The following BBOX1 variants were observed in gnomAD, a reference collection of about 807,000 sequenced individuals.
The protein encoded by BBOX1 is gamma-butyrobetaine dioxygenase.
Under a neutral mutation model 41.6 loss-of-function variants are expected in BBOX1, and 35 were observed. The ratio of observed to expected loss-of-function variants is 0.84; its 90% CI spans 0.64 to 1.11. The LOEUF (loss-of-function observed/expected upper bound fraction) is 1.11, where lower values mean the gene tolerates loss of function less well. Among genes scored for constraint, BBOX1 ranks in the 50% most tolerant of loss-of-function variants. The probability of loss-of-function intolerance (pLI) is 0.00; values close to 1 mark genes in which losing one functional copy is unlikely to be tolerated. For synonymous variants in BBOX1, 163 were observed against 154.7 expected (o/e 1.05, Z -0.40); for missense variants, 458 against 460.6 (o/e 0.99, Z 0.05).
intron 2 of BBOX1, among the ~76,000 whole-genome samples, chr11:27,048,874 T>C (rs1851576609): frequency 6.8e-6 from 1 of 147,802 alleles, no homozygotes; most frequent in Non-Finnish European, 1.5e-5. Context: ...ATTAGGTATA[T>C]CTCCCAATGC....
At chr11:27,107,449 T>C (rs1858911141) in intron 5 of BBOX1, among the ~76,000 whole-genome samples, 2 of 151,996 alleles carry the variant, frequency 1.3e-5, no homozygotes, top group Non-Finnish European at 2.9e-5. Context: ...ATTTGCAGAG[T>C]TTCAGACACT....
At chr11:27,050,464 A>G (rs1290557899) in intron 2 of BBOX1, among the ~76,000 whole-genome samples, 1 of 152,116 alleles carries the variant, frequency 6.6e-6, no homozygotes, top group Non-Finnish European at 1.5e-5. Context: ...TACCAATATT[A>G]ATCATTCAAA....
intron 4 of BBOX1, among the ~76,000 whole-genome samples, chr11:27,064,451 TG>T (rs1457888010): frequency 6.6e-6 from 1 of 152,190 alleles, no homozygotes; most frequent in African/African-American, 2.4e-5. Context: ...AGCATGTCTT[TG>T]TTCTGTTTTG....
chr11:27,057,064 TAA>T lies in BBOX1; in HGVS notation c.220-117_220-116del, dbSNP rs60041119. ...CTGGCAACAGAGGAAGACTCCGACT[TAA>T]AAAAAAAAAAAAAAAAAAATTAAGC... On this transcript the variant is annotated intron_variant, in intron 3 of 8. Coordinates refer to ENST00000263182, the MANE Select transcript of BBOX1 (RefSeq NM_003986.3). 3.0e-3 allele frequency: 456 copies of T among 151,006 alleles called. 19 individuals carry two copies. The highest frequency in any genetic ancestry group is 4.5e-3 in the Middle Eastern group (2 of 440). 9.4% of individuals were successfully genotyped at this position (151,006 alleles called of 1,614,324 possible). A position where few individuals can be genotyped will look rare whatever the true frequency, so the allele number is the denominator to read the frequency against.
intron 2 of BBOX1, among the ~76,000 whole-genome samples, chr11:27,041,979 T>A (rs1366544036): frequency 6.6e-6 from 1 of 152,162 alleles, no homozygotes; most frequent in Non-Finnish European, 1.5e-5. Context: ...CATGCCTCTT[T>A]AAAATGCTGG....
At chr11:27,053,098 C>T (rs61888307) in intron 2 of BBOX1, among the ~76,000 whole-genome samples, 4,304 of 152,042 alleles carry the variant, frequency 0.028, 95 homozygotes, top group Non-Finnish European at 0.042. Context: ...AAGGTGAAAC[C>T]GATATGCATT....
chr11:27,043,266 T>C (rs1015254746), intron 2 of BBOX1, among the ~76,000 whole-genome samples: 5 of 152,074 alleles, frequency 3.3e-5, no homozygotes, highest in Non-Finnish European at 7.4e-5. Flanking sequence ...GGTTTCACCG[T>C]GTTAGCCAAG....
intron 5 of BBOX1, among the ~76,000 whole-genome samples, chr11:27,111,660 C>A (rs1038755120): frequency 6.6e-6 from 1 of 151,704 alleles, no homozygotes; most frequent in Non-Finnish European, 1.5e-5. Flanking sequence ...CAAATACCAC[C>A]TTTATCTAGT....
chr11:27,061,288 C>A (rs559162733), intron 4 of BBOX1, among the ~76,000 whole-genome samples: 1 of 152,102 alleles, frequency 6.6e-6, no homozygotes, highest in Non-Finnish European at 1.5e-5. Flanking sequence ...TGATACTACA[C>A]TCAATTAAGT....
chr11:27,088,627 G>A (rs1858128042), intron 4 of BBOX1, among the ~76,000 whole-genome samples: 1 of 151,914 alleles, frequency 6.6e-6, no homozygotes, highest in African/African-American at 2.4e-5. Context: ...CTTTATGAGG[G>A]ACAGACTAAG....
At chr11:27,062,430 A>C (rs903006930) in intron 4 of BBOX1, among the ~76,000 whole-genome samples, 1 of 152,144 alleles carries the variant, frequency 6.6e-6, no homozygotes, top group Non-Finnish European at 1.5e-5. Flanking sequence ...AGATCTTTAT[A>C]AGTTTAAGAA....
At chr11:27,104,400 G>A (rs1858784843) in intron 5 of BBOX1, among the ~76,000 whole-genome samples, 4 of 152,044 alleles carry the variant, frequency 2.6e-5, no homozygotes, top group African/African-American at 9.7e-5. Context: ...CCTGGTTCAT[G>A]GGAATATCTT....
chr11:27,075,349 C>T (rs189021737), intron 4 of BBOX1, among the ~76,000 whole-genome samples: 4 of 152,072 alleles, frequency 2.6e-5, no homozygotes, highest in African/African-American at 7.2e-5. Context: ...TAGCAGAGGT[C>T]TCTTTAAGCT....
chr11:27,072,869 T>C (rs1184708521), intron 4 of BBOX1, among the ~76,000 whole-genome samples: 1 of 150,698 alleles, frequency 6.6e-6, no homozygotes, highest in Non-Finnish European at 1.5e-5. Flanking sequence ...GCTAGCCATA[T>C]GCTGAAACTG....
intron 2 of BBOX1, among the ~76,000 whole-genome samples, chr11:27,048,385 T>A (rs990768883): frequency 6.6e-6 from 1 of 152,084 alleles, no homozygotes; most frequent in African/African-American, 2.4e-5. Context: ...CTTATTTCAC[T>A]TAGCATAATG....
At chr11:27,062,642 T>A (rs1857163595) in intron 4 of BBOX1, among the ~76,000 whole-genome samples, 1 of 151,826 alleles carries the variant, frequency 6.6e-6, no homozygotes, top group Admixed American at 6.6e-5. Flanking sequence ...CACTGCAACC[T>A]CTGCCCCCGG....
chr11:27,052,869 C>T (rs1433707940), intron 2 of BBOX1, among the ~76,000 whole-genome samples: 2 of 152,008 alleles, frequency 1.3e-5, no homozygotes, highest in Non-Finnish European at 2.9e-5. Context: ...TACTGCTTCA[C>T]CCCCAATACT....
chr11:27,111,337 A>G (rs1173473612), intron 5 of BBOX1, among the ~76,000 whole-genome samples: 1 of 151,854 alleles, frequency 6.6e-6, no homozygotes. Flanking sequence ...GACACTAGGA[A>G]CTACTAGAGT....
At chr11:27,070,680 G>T (rs1857416534) in intron 4 of BBOX1, among the ~76,000 whole-genome samples, 1 of 147,718 alleles carries the variant, frequency 6.8e-6, no homozygotes, top group South Asian at 2.1e-4. Context: ...GTCTCTTGAA[G>T]ACAGAAGATA....
Sources: gnomAD v4.1 joint callset for allele counts (sites outside exome capture counted in the v4.1 genomes callset) on GRCh38, gnomAD v4.1.1 for gene constraint, MANE v1.5 for transcripts, NCBI Gene and HGNC (gene_info 2026-07-23, HGNC 2026-07-21) for gene names.